The following TCF24 variants were observed in gnomAD, a reference collection of about 807,000 sequenced individuals.
The protein encoded by TCF24 is transcription factor 24.
In TCF24, 5 loss-of-function variants were observed where a neutral mutation model predicts 9.3. The ratio of observed to expected loss-of-function variants is 0.54; its 90% CI spans 0.28 to 1.13. The LOEUF (loss-of-function observed/expected upper bound fraction) is 1.13, where lower values mean the gene tolerates loss of function less well. Among genes scored for constraint, TCF24 ranks in the 50% most tolerant of loss-of-function variants. The pLI, the probability that TCF24 is intolerant of heterozygous loss-of-function variation, is 0.09. For synonymous variants in TCF24, 110 were observed against 115.8 expected (o/e 0.95, Z 0.32); for missense variants, 220 against 236.1 (o/e 0.93, Z 0.45).
intron 3 of TCF24, among the ~76,000 whole-genome samples, chr8:66,958,309 A>G (rs1814196155): frequency 6.6e-6 from 1 of 152,178 alleles, no homozygotes; most frequent in Admixed American, 6.5e-5. Context: ...ACTTTCCCTC[A>G]TAGGGTATCT....
chr8:66,960,398 C>A lies in TCF24; in HGVS notation c.390+978G>T, dbSNP rs79074551. 1.7e-4 allele frequency among the ~76,000 whole-genome samples: 26 copies of A among 152,028 alleles called. 1 individual carries two copies. The East Asian group carries it at 5.0e-3, about 29-fold the overall frequency. On this transcript the variant is annotated intron_variant, in intron 3 of 3. Coordinates refer to ENST00000563496, the MANE Select transcript of TCF24 (RefSeq NM_001193502.2). The stretch of plus-strand genomic sequence containing the variant: ...AACACTGATATACTTAAAGCTAAGT[C>A]TTAAGTCTTAACTTTGCATTTGTGT...
rs1367171402 is a variant in TCF24, at chr8:66,961,736, G to A, written c.30C>T (p.Pro10=). The change falls in exon 3 of 4, where the codon CCC becomes CCT. Residue 10 remains proline, a synonymous_variant. Coordinates refer to ENST00000563496, the MANE Select transcript of TCF24 (RefSeq NM_001193502.2). The part of the protein sequence containing the change: MDRGRPAGS[P]LSASAEPAPL... ...GCGCGGGCTCGGCGCTGGCGCTGAG[G>A]GGGCTGCCCGCTGGGCGGCCGCGGT... 8.1e-6 allele frequency: 9 copies of A among 1,105,850 alleles called. No individual in the cohort carries two copies. In the African/African-American group the frequency reaches 8.3e-5, roughly 10 times the overall value. 68.5% of individuals were successfully genotyped at this position (1,105,850 alleles called of 1,614,324 possible).
In TCF24 at chr8:66,946,766, CTATT is replaced by C. The variant is rs1236377018; in HGVS notation, c.*1281_*1284del. 1.3e-5 allele frequency: 2 copies of C among 152,168 alleles called. No homozygotes were observed. Among genetic ancestry groups the C allele is most frequent in the African/African-American group, 4.8e-5 (2 of 41,450 alleles). The allele number at this position is 152,168 out of a possible 1,614,324, so 9.4% of individuals were successfully genotyped here. ...ACCATCAAAGGCAAAGCTCTACTAA[CTATT>C]TAACAGGATGACTTAGAAATCTAAT... On this transcript the variant is annotated 3_prime_UTR_variant, in exon 4 of 4. Coordinates refer to ENST00000563496, the MANE Select transcript of TCF24 (RefSeq NM_001193502.2).
chr8:66,951,660 G>C (rs1814060877), intron 3 of TCF24, among the ~76,000 whole-genome samples: 2 of 152,238 alleles, frequency 1.3e-5, no homozygotes, highest in Non-Finnish European at 2.9e-5. Context: ...AATAGTTTCA[G>C]AAGGAATGGT....
intron 3 of TCF24, among the ~76,000 whole-genome samples, chr8:66,951,534 G>A (rs1474137813): frequency 6.6e-6 from 1 of 152,136 alleles, no homozygotes; most frequent in East Asian, 1.9e-4. Context: ...GTTCATCAAG[G>A]ATATTGGCTT....
chr8:66,949,791 T>C (rs1226139102), intron 3 of TCF24, among the ~76,000 whole-genome samples: 10 of 149,096 alleles, frequency 6.7e-5, no homozygotes, highest in Admixed American at 2.0e-4. Flanking sequence ...TTTTAATGAT[T>C]GCCATTCTAA....
intron 3 of TCF24, among the ~76,000 whole-genome samples, chr8:66,951,492 G>A (rs928452758): frequency 1.3e-5 from 2 of 151,492 alleles, no homozygotes; most frequent in Non-Finnish European, 2.9e-5. Context: ...GATTCGTTTT[G>A]CCAGTATTTT....
intron 3 of TCF24, among the ~76,000 whole-genome samples, chr8:66,948,624 G>C (rs1165472509): frequency 1.3e-5 from 2 of 152,122 alleles, no homozygotes; most frequent in Non-Finnish European, 2.9e-5. Flanking sequence ...TGTGTCTATA[G>C]ATGTAAAAGG....
chr8:66,951,840 G>A, intron 3 of TCF24, among the ~76,000 whole-genome samples: 1 of 151,502 alleles, frequency 6.6e-6, no homozygotes. Context: ...TATGTGTCAA[G>A]GAATTTATCC....
intron 3 of TCF24, among the ~76,000 whole-genome samples, chr8:66,952,075 T>G (rs1433840978): frequency 6.7e-6 from 1 of 149,180 alleles, no homozygotes. Context: ...TTTGAAGGGT[T>G]TTTTGTGTCT....
chr8:66,959,482 T>C (rs1206904638), intron 3 of TCF24, among the ~76,000 whole-genome samples: 2 of 152,212 alleles, frequency 1.3e-5, no homozygotes, highest in African/African-American at 4.8e-5. Flanking sequence ...TAACAGGCGG[T>C]TTCAATTATG....
In TCF24 at chr8:66,947,877, T is replaced by C. The variant is rs1239845013; in HGVS notation, c.*174A>G. The stretch of plus-strand genomic sequence containing the variant: ...CTGAACAGATAAGCTGTGTGTTTTA[T>C]ATAACACTGATTATTTCATTCCACA... On this transcript the variant is annotated 3_prime_UTR_variant, in exon 4 of 4. Coordinates refer to ENST00000563496, the MANE Select transcript of TCF24 (RefSeq NM_001193502.2). 7.7e-6 allele frequency: 4 copies of C among 520,732 alleles called. No homozygotes were observed. The East Asian group carries it at 1.2e-4, about 16-fold the overall frequency. The allele number at this position is 520,732 out of a possible 1,614,324, so 32.3% of individuals were successfully genotyped here.
intron 3 of TCF24, among the ~76,000 whole-genome samples, chr8:66,958,017 T>C (rs1814190593): frequency 6.6e-6 from 1 of 151,558 alleles, no homozygotes; most frequent in Admixed American, 6.6e-5. Context: ...AAACCTAAAA[T>C]TGTATATGTG....
chr8:66,960,377 C>A (rs1375898716), intron 3 of TCF24, among the ~76,000 whole-genome samples: 2 of 151,962 alleles, frequency 1.3e-5, no homozygotes, highest in Non-Finnish European at 2.9e-5. Flanking sequence ...TTATTGAACA[C>A]TGATATACTT....
chr8:66,947,501 C>T lies in TCF24; in HGVS notation c.*550G>A, dbSNP rs889302524. On this transcript the variant is annotated 3_prime_UTR_variant, in exon 4 of 4. Coordinates refer to ENST00000563496, the MANE Select transcript of TCF24 (RefSeq NM_001193502.2). The stretch of plus-strand genomic sequence containing the variant: ...AGGTGACCAAGCCCTGTCCTCTGAG[C>T]AAACCATTTCTAATACTCCAAACAA... 7 of 152,224 alleles carry T rather than the reference C, an allele frequency of 4.6e-5. No homozygotes were observed. The highest frequency in any genetic ancestry group is 1.7e-4 in the African/African-American group (7 of 41,428). 9.4% of individuals were successfully genotyped at this position (152,224 alleles called of 1,614,324 possible).
At chr8:66,956,938 C>T (rs1443776930) in intron 3 of TCF24, among the ~76,000 whole-genome samples, 1 of 151,716 alleles carries the variant, frequency 6.6e-6, no homozygotes, top group African/African-American at 2.4e-5. Context: ...GGGGCAGTGG[C>T]TCATGCCTGT....
At chr8:66,954,427 C>A (rs958937387) in intron 3 of TCF24, among the ~76,000 whole-genome samples, 1 of 152,104 alleles carries the variant, frequency 6.6e-6, no homozygotes, top group Non-Finnish European at 1.5e-5. Flanking sequence ...GTCAGGGACC[C>A]ACTTGAGGAG....
chr8:66,961,655 C>G lies in TCF24; in HGVS notation c.111G>C (p.Ala37=), dbSNP rs550898724. The change falls in exon 3 of 4, where the codon GCG becomes GCC. Residue 37 remains alanine (A), a synonymous_variant. Coordinates refer to ENST00000563496, the MANE Select transcript of TCF24 (RefSeq NM_001193502.2). Reference sequence around the variant, plus strand: ...CGGAACGCGAGCCGCCCCCAGGGCCCGCCGGCCCCGGCCCGGTCCGCCCGG... The same window carrying G: ...CGGAACGCGAGCCGCCCCCAGGGCCGGCCGGCCCCGGCCCGGTCCGCCCGG... The part of the protein sequence containing the change: ...SRPGRTGPGP[A]GPGGGSRSGS... 6 of 1,172,880 alleles carry G rather than the reference C, an allele frequency of 5.1e-6. No homozygotes were observed. The African/African-American group carries it at 8.1e-5, about 16-fold the overall frequency. 72.7% of individuals were successfully genotyped at this position (1,172,880 alleles called of 1,614,324 possible). A position where few individuals can be genotyped will look rare whatever the true frequency, so the allele number is the denominator to read the frequency against.
At position 66,946,640 on chromosome 8, in the gene TCF24, C is replaced by T. The variant is rs1813967294; in HGVS notation, c.*1411G>A. 6.6e-6 allele frequency: 1 copy of T among 152,104 alleles called. No individual in the cohort carries two copies. The highest frequency in any genetic ancestry group is 2.1e-4 in the South Asian group (1 of 4,826). 9.4% of individuals were successfully genotyped at this position (152,104 alleles called of 1,614,324 possible). The stretch of plus-strand genomic sequence containing the variant: ...CTGTAAACATACCAAAACCTATCAT[C>T]ATATCTAGCAATTTAATAAAATGTT... On this transcript the variant is annotated 3_prime_UTR_variant, in exon 4 of 4. Transcript: ENST00000563496.
Sources: gnomAD v4.1 joint callset for allele counts (sites outside exome capture counted in the v4.1 genomes callset) on GRCh38, gnomAD v4.1.1 for gene constraint, MANE v1.5 for transcripts, NCBI Gene and HGNC (gene_info 2026-07-23, HGNC 2026-07-21) for gene names.